Variants in DAB1 observed in about 807,000 individuals in gnomAD.
DAB1 encodes disabled homolog 1.
Under a neutral mutation model 64.6 loss-of-function variants are expected in DAB1, and 15 were observed. That is an observed-to-expected ratio of 0.23 (90% confidence interval 0.16 to 0.36). DAB1 has a LOEUF of 0.36. DAB1 is among the 10% of genes least tolerant of loss of function. The probability of loss-of-function intolerance (pLI) is 1.00; values close to 1 mark genes in which losing one functional copy is unlikely to be tolerated. For missense variants in DAB1, 596 were observed against 706.7 expected (o/e 0.84, Z 1.78); for synonymous variants, 235 against 251.9 (o/e 0.93, Z 0.64).
At chr1:58,498,807 ATTCT>A (rs1376697533) in intron 3 of DAB1, among the ~76,000 whole-genome samples, 2 of 152,186 alleles carry the variant, frequency 1.3e-5, no homozygotes, top group African/African-American at 4.8e-5. Context: ...TAAAAAAATT[ATTCT>A]TTAATTCATT....
At chr1:57,566,627 A>C (rs1244315364) in intron 7 of DAB1, among the ~76,000 whole-genome samples, 2 of 152,212 alleles carry the variant, frequency 1.3e-5, no homozygotes, top group African/African-American at 4.8e-5. Flanking sequence ...ACAAACTACC[A>C]TCAGAGAATA....
chr1:58,269,366 A>G (rs1661257501), intron 4 of DAB1, among the ~76,000 whole-genome samples: 2 of 150,750 alleles, frequency 1.3e-5, no homozygotes, highest in Non-Finnish European at 3.0e-5. Context: ...ATGGCTGCAT[A>G]GTAGTCCATG....
intron 2 of DAB1, among the ~76,000 whole-genome samples, chr1:57,213,440 T>C (rs1196132699): frequency 1.9e-5 from 2 of 106,694 alleles, no homozygotes; most frequent in African/African-American, 3.6e-5. Flanking sequence ...GATCTAGAGA[T>C]AGGGTCAGGG....
At chr1:58,344,241 C>A (rs1176185391) in intron 3 of DAB1, among the ~76,000 whole-genome samples, 2 of 151,892 alleles carry the variant, frequency 1.3e-5, no homozygotes, top group Admixed American at 6.6e-5. Flanking sequence ...CAAGGGAGCT[C>A]CTGAACACAT....
rs537835611 is a variant in DAB1 at position 57,801,805 on chromosome 1, G to A, written n.551+82194C>T. ...CCTGAGTAGCTCGGACTACAGGCAC[G>A]TGCCACCACACCCAGCTAATTTTTG... On this transcript the variant is annotated intron_variant and non_coding_transcript_variant, in intron 6 of 20. Coordinates refer to the DAB1 transcript ENST00000485760. Among the ~76,000 whole-genome samples, 10 of 152,182 alleles carry A rather than the reference G, an allele frequency of 6.6e-5. No individual in the cohort carries two copies. The East Asian group carries it at 7.7e-4, about 12-fold the overall frequency.
chr1:57,011,793 A>C (rs1646273972), intron 12 of DAB1, among the ~76,000 whole-genome samples: 1 of 152,218 alleles, frequency 6.6e-6, no homozygotes, highest in African/African-American at 2.4e-5. Flanking sequence ...TTTGAGGTAG[A>C]GGTTATCCTA....
upstream of DAB1, among the ~76,000 whole-genome samples, chr1:57,428,291 AC>A (rs1299606680): frequency 6.6e-6 from 1 of 152,184 alleles, no homozygotes; most frequent in Non-Finnish European, 1.5e-5. Context: ...GAAGGTTTTT[AC>A]CCTTTAACCA....
At chr1:58,192,645 G>A (rs1657449242) in intron 4 of DAB1, among the ~76,000 whole-genome samples, 1 of 152,070 alleles carries the variant, frequency 6.6e-6, no homozygotes, top group Non-Finnish European at 1.5e-5. Context: ...GTGTGTATGT[G>A]TATATATGTA....
rs112002978 is a variant in DAB1, at chr1:57,310,524, G to A, written c.-136-19358C>T. ...CAGAGTCCTCGCTGCTAAGTGGCTCGTAGTCTAGCAGGAAGTAAGCAATTG... is the reference window on the plus strand; with the variant it reads ...CAGAGTCCTCGCTGCTAAGTGGCTCATAGTCTAGCAGGAAGTAAGCAATTG... On this transcript the variant is annotated intron_variant, in intron 1 of 14. Transcript: ENST00000371236. Among the ~76,000 whole-genome samples the A allele has an allele frequency of 1.3e-3, 201 of 152,272 alleles. 1 individual carries two copies. The highest frequency in any genetic ancestry group is 3.8e-3 in the African/African-American group (158 of 41,558).
chr1:58,358,028 C>G (rs1157845873), intron 3 of DAB1, among the ~76,000 whole-genome samples: 1 of 152,200 alleles, frequency 6.6e-6, no homozygotes, highest in East Asian at 1.9e-4. Flanking sequence ...GTAAATTTCC[C>G]ACTCCCTGCT....
At chr1:58,441,904 A>G (rs2100269132) in intron 3 of DAB1, among the ~76,000 whole-genome samples, 1 of 152,248 alleles carries the variant, frequency 6.6e-6, no homozygotes, top group East Asian at 1.9e-4. Context: ...CCCCCCAGAG[A>G]GAGTAATTGA....
At chr1:58,395,058 G>A (rs111887658) in intron 3 of DAB1, among the ~76,000 whole-genome samples, 14 of 152,212 alleles carry the variant, frequency 9.2e-5, no homozygotes, top group African/African-American at 3.1e-4. Flanking sequence ...ATCAGGATAA[G>A]TGGACACAAG....
intron 6 of DAB1, among the ~76,000 whole-genome samples, chr1:57,656,063 A>T (rs1003444447): frequency 2.0e-5 from 3 of 152,086 alleles, no homozygotes; most frequent in African/African-American, 7.2e-5. Context: ...TCATGAATGG[A>T]ATTAGTGCCC....
intron 7 of DAB1, among the ~76,000 whole-genome samples, chr1:57,488,994 C>A (rs572088988): frequency 2.6e-5 from 4 of 152,140 alleles, no homozygotes; most frequent in Admixed American, 6.5e-5. Context: ...AAAGTAAAAA[C>A]AAGGGCACAT....
At chr1:57,974,403 C>A (rs1645870439) in intron 5 of DAB1, among the ~76,000 whole-genome samples, 1 of 152,098 alleles carries the variant, frequency 6.6e-6, no homozygotes, top group South Asian at 2.1e-4. Flanking sequence ...ACTGGTGTAT[C>A]TCTGGAGTCT....
At chr1:57,810,920 G>A (rs1275358669) in intron 6 of DAB1, among the ~76,000 whole-genome samples, 1 of 152,198 alleles carries the variant, frequency 6.6e-6, no homozygotes, top group African/African-American at 2.4e-5. Flanking sequence ...GTGTTAGTAG[G>A]ACTATTTCCT....
intron 4 of DAB1, among the ~76,000 whole-genome samples, chr1:58,164,952 T>G (rs1368490883): frequency 2.0e-5 from 3 of 152,204 alleles, no homozygotes; most frequent in Non-Finnish European, 2.9e-5. Flanking sequence ...AAAAAAATGT[T>G]AGCAATATTT....
At chr1:58,384,367 T>C (rs1053277819) in intron 3 of DAB1, among the ~76,000 whole-genome samples, 11 of 152,274 alleles carry the variant, frequency 7.2e-5, no homozygotes, top group African/African-American at 2.4e-4. Flanking sequence ...ATGGTGGTTA[T>C]GAGGGGATGA....
At chr1:57,010,191 A>C (rs762944505) in intron 14 of DAB1, among the ~76,000 whole-genome samples, 3 of 152,206 alleles carry the variant, frequency 2.0e-5, no homozygotes, top group Non-Finnish European at 2.9e-5. Context: ...TGCTTAAAAG[A>C]TTAAAGCATC....
Sources: gnomAD v4.1 joint callset for allele counts (sites outside exome capture counted in the v4.1 genomes callset) on GRCh38, gnomAD v4.1.1 for gene constraint, MANE v1.5 for transcripts, NCBI Gene and HGNC (gene_info 2026-07-23, HGNC 2026-07-21) for gene names.